The following BLTP1 variants were observed in gnomAD, a reference collection of about 807,000 sequenced individuals.
BLTP1 encodes bridge-like lipid transfer protein family member 1.
At chr4:122,211,219 T>A in the BLTP1 span, 1 of 827,214 alleles carries the variant, frequency 1.2e-6, no homozygotes, top group Non-Finnish European at 1.8e-6. Context: ...ATATACCAGA[T>A]ATGTTGACTG....
chr4:122,295,975 C>T, the BLTP1 span, among the ~76,000 whole-genome samples: 12 of 152,240 alleles, frequency 7.9e-5, no homozygotes, highest in African/African-American at 2.2e-4. Flanking sequence ...CAGCTAATAT[C>T]GTACTGAATG....
chr4:122,221,897 A>G, the BLTP1 span: 4 of 984,340 alleles, frequency 4.1e-6, no homozygotes, highest in Middle Eastern at 5.2e-4. Flanking sequence ...TCAACTTTTA[A>G]TCACTGCACT....
chr4:122,194,680 G>A, the BLTP1 span: 2 of 897,072 alleles, frequency 2.2e-6, no homozygotes, highest in African/African-American at 3.6e-5. Flanking sequence ...GCATTTTTTA[G>A]CACTTAAATA....
At chr4:122,321,927 T>C in the BLTP1 span, among the ~76,000 whole-genome samples, 2 of 149,772 alleles carry the variant, frequency 1.3e-5, no homozygotes, top group African/African-American at 4.9e-5. Flanking sequence ...TCAGGCTTTT[T>C]TCATTATCTT....
chr4:122,173,581 C>T, the BLTP1 span, among the ~76,000 whole-genome samples: 1 of 152,176 alleles, frequency 6.6e-6, no homozygotes, highest in African/African-American at 2.4e-5. Context: ...AGGGAACAAA[C>T]ATTCAAACCA....
the BLTP1 span, among the ~76,000 whole-genome samples, chr4:122,322,695 A>G: frequency 4.6e-5 from 7 of 152,214 alleles, no homozygotes; most frequent in East Asian, 1.9e-4. Context: ...TAATGAGCCT[A>G]TGCCTCTGAA....
the BLTP1 span, chr4:122,255,363 A>G: frequency 3.5e-5 from 34 of 975,540 alleles, no homozygotes; most frequent in African/African-American, 5.2e-4. Flanking sequence ...TTTGAGATGC[A>G]TGTGAGAATG....
At chr4:122,161,724 C>T in the BLTP1 span, among the ~76,000 whole-genome samples, 3 of 152,102 alleles carry the variant, frequency 2.0e-5, no homozygotes, top group Non-Finnish European at 4.4e-5. Flanking sequence ...AACACTCAAC[C>T]AGAGAATCAA....
the BLTP1 span, among the ~76,000 whole-genome samples, chr4:122,319,330 T>TA: frequency 6.6e-6 from 1 of 152,040 alleles, no homozygotes; most frequent in African/African-American, 2.4e-5. Context: ...TTAGATCTTT[T>TA]CTGATGTATG....
chr4:122,167,965 G>GATATACT, the BLTP1 span: 1 of 860,322 alleles, frequency 1.2e-6, no homozygotes, highest in African/African-American at 1.8e-5. Context: ...AGGAATTGGT[G>GATATACT]ATATACTACT....
At chr4:122,274,330 T>C in the BLTP1 span, 1 of 1,271,380 alleles carries the variant, frequency 7.9e-7, no homozygotes, top group African/African-American at 1.5e-5. Context: ...AAATATTTTT[T>C]CTCATATTTA....
the BLTP1 span, chr4:122,214,641 T>C: frequency 4.4e-6 from 1 of 228,468 alleles, no homozygotes; most frequent in African/African-American, 3.8e-5. Context: ...TTTTTTTTTT[T>C]TGAGACAGGG....
At chr4:122,192,507 T>TTTTGATCCAAAGAAAAACA in the BLTP1 span, 2 of 658,328 alleles carry the variant, frequency 3.0e-6, no homozygotes, top group South Asian at 6.6e-5. Context: ...TCACTAAACA[T>TTTTGATCCAAAGAAAAACA]TTTGATCCAA....
At chr4:122,204,002 T>A in the BLTP1 span, 1 of 231,382 alleles carries the variant, frequency 4.3e-6, no homozygotes, top group African/African-American at 2.3e-5. Context: ...TTTTGACTAA[T>A]AGAAGTATAA....
At chr4:122,349,215 T>C in the BLTP1 span, 1 of 1,613,482 alleles carries the variant, frequency 6.2e-7, no homozygotes, top group Non-Finnish European at 8.5e-7. This position sits in a 1 kb window ranked among gnomAD's most constrained non-coding sequence, Gnocchi z 4.5. Context: ...GTAATCGTGA[T>C]CGAGAGATCA....
the BLTP1 span, among the ~76,000 whole-genome samples, chr4:122,291,501 G>A: frequency 3.9e-5 from 6 of 152,084 alleles, no homozygotes; most frequent in Non-Finnish European, 7.3e-5. Context: ...TACGTTTAGT[G>A]TTAGGACATT....
At chr4:122,169,587 A>T in the BLTP1 span, 3 of 940,482 alleles carry the variant, frequency 3.2e-6, no homozygotes, top group Non-Finnish European at 3.8e-6. Context: ...TGTTTCTTGG[A>T]TCATAAAATA....
chr4:122,286,434 T>A, the BLTP1 span: 2 of 1,529,030 alleles, frequency 1.3e-6, no homozygotes, highest in Non-Finnish European at 1.8e-6. Context: ...TCAAGATAGG[T>A]TTGGGAATAT....
At chr4:122,328,590 CTAAGTT>C in the BLTP1 span, 59 of 921,728 alleles carry the variant, frequency 6.4e-5, no homozygotes, top group Non-Finnish European at 7.6e-5. Flanking sequence ...TTCATGTCAC[CTAAGTT>C]TAATTATCTA....
Sources: gnomAD v4.1 joint callset for allele counts (sites outside exome capture counted in the v4.1 genomes callset) on GRCh38, gnomAD v4.1.1 for gene constraint, Gnocchi (gnomAD v3.1) non-coding constraint, MANE v1.5 for transcripts, NCBI Gene and HGNC (gene_info 2026-07-23, HGNC 2026-07-21) for gene names.